Variants in IQGAP2 observed in about 807,000 individuals in gnomAD.
IQGAP2 encodes ras GTPase-activating-like protein IQGAP2.
Under a neutral mutation model 201.3 loss-of-function variants are expected in IQGAP2, and 173 were observed. The observed-to-expected ratio is 0.86, with a 90% CI of 0.76 to 0.98. The LOEUF is 0.98. IQGAP2 is among the 50% of genes least tolerant of loss of function. The pLI is 0.00. For synonymous variants in IQGAP2, 675 were observed against 673.9 expected, an observed-to-expected ratio of 1.00 and a Z score of -0.03; for missense variants, 1,687 against 1,864.8, an observed-to-expected ratio of 0.90 and a Z score of 1.76.
At chr5:76,581,924 A>G (rs1324819596) in intron 5 of IQGAP2, among the ~76,000 whole-genome samples, 1 of 152,274 alleles carries the variant, frequency 6.6e-6, no homozygotes, top group African/African-American at 2.4e-5. Context: ...TAGGTTATCA[A>G]TAAGTGTTTG....
At chr5:76,469,134 A>G (rs1754968926) in intron 2 of IQGAP2, among the ~76,000 whole-genome samples, 1 of 152,190 alleles carries the variant, frequency 6.6e-6, no homozygotes, top group Non-Finnish European at 1.5e-5. Flanking sequence ...GGAAAATTCT[A>G]TATTGCAGTT....
intron 2 of IQGAP2, among the ~76,000 whole-genome samples, chr5:76,493,355 C>T (rs1477365747): frequency 6.6e-6 from 1 of 151,786 alleles, no homozygotes; most frequent in Non-Finnish European, 1.5e-5. Context: ...CTGTTCCTCT[C>T]ACCCCTATAA....
chr5:76,579,440 T>TA (rs56658667), intron 5 of IQGAP2, among the ~76,000 whole-genome samples: 40,892 of 138,810 alleles, frequency 0.29, 5,947 homozygotes, highest in South Asian at 0.5. Context: ...TTTCTTTGTT[T>TA]AAAAAAAAAA....
rs749738498 is a variant in IQGAP2, at chr5:76,588,271, C to T, written c.459-635C>T. On this transcript the variant is annotated intron_variant, in intron 5 of 35. Transcript: ENST00000274364. ...ATATATTTTTTATAGAATTTAGATG[C>T]CAGCTCTCAAGTTCTTTTCTCAGGT... 3.0e-4 allele frequency among the ~76,000 whole-genome samples: 45 copies of T among 152,092 alleles called. 1 individual carries two copies. Among genetic ancestry groups the T allele is most frequent in the Non-Finnish European group, 4.4e-4 (30 of 68,016 alleles).
At position 76,414,636 on chromosome 5, in the gene IQGAP2, G is replaced by A. The variant is rs180804336; in HGVS notation, c.46+11045G>A. 6.2e-4 allele frequency among the ~76,000 whole-genome samples: 94 copies of A among 152,222 alleles called. No homozygotes were observed. The South Asian group carries it at 0.011, about 18-fold the overall frequency. The stretch of plus-strand genomic sequence containing the variant: ...AGGAGTTCAAGACCATCTGGGCAAC[G>A]TAGCAAGACCTTGTTTCTACAAAAA... On this transcript the variant is annotated intron_variant, in intron 1 of 35. Transcript: ENST00000274364.
rs1050133020 is a variant in IQGAP2, at chr5:76,520,461, G to A, written c.147-41935G>A. Among the ~76,000 whole-genome samples the A allele has an allele frequency of 1.1e-4, 16 of 152,026 alleles. 1 individual carries two copies. In the South Asian group the frequency reaches 2.3e-3, roughly 22 times the overall value. ...ACAAGCGTGAGCCACCGCGCCCGGC[G>A]CATTATAGTAAGTCTTAAAACTGGG... On this transcript the variant is annotated intron_variant, in intron 2 of 35. Coordinates refer to ENST00000274364, the MANE Select transcript of IQGAP2 (RefSeq NM_006633.5).
At chr5:76,577,457 G>A (rs1745545695) in intron 5 of IQGAP2, among the ~76,000 whole-genome samples, 1 of 152,182 alleles carries the variant, frequency 6.6e-6, no homozygotes, top group African/African-American at 2.4e-5. Context: ...CATCCTGGAG[G>A]GGATTCCTGT....
chr5:76,687,784 T>C (rs1385764941), intron 30 of IQGAP2, among the ~76,000 whole-genome samples: 1 of 152,232 alleles, frequency 6.6e-6, no homozygotes, highest in African/African-American at 2.4e-5. Context: ...CAGATGGGAC[T>C]GTCTAGTTGT....
At chr5:76,571,423 A>G (rs371317457) in intron 4 of IQGAP2, among the ~76,000 whole-genome samples, 35 of 152,254 alleles carry the variant, frequency 2.3e-4, no homozygotes, top group African/African-American at 8.4e-4. Context: ...AGCCCAAGCA[A>G]TCTGTCCACC....
chr5:76,403,285 A>T lies in IQGAP2; in HGVS notation c.-261A>T, dbSNP rs1188200569. Reference sequence around the variant, plus strand: ...ACGGGGCCTGGCTGGAGGAGAAAGGAAACCTGCTGCGGGAGGCGGCGGCGA... The same window carrying T: ...ACGGGGCCTGGCTGGAGGAGAAAGGTAACCTGCTGCGGGAGGCGGCGGCGA... On this transcript the variant is annotated 5_prime_UTR_variant, in exon 1 of 36. Coordinates refer to ENST00000274364, the MANE Select transcript of IQGAP2 (RefSeq NM_006633.5). The surrounding 1 kb of genome is among the most constrained non-coding windows in gnomAD (Gnocchi z 4.8). 10 of 333,294 alleles carry T rather than the reference A, an allele frequency of 3.0e-5. No homozygotes were observed. The highest frequency in any genetic ancestry group is 4.9e-5 in the Non-Finnish European group (9 of 185,306). 20.6% of individuals were successfully genotyped at this position (333,294 alleles called of 1,614,324 possible).
At chr5:76,501,643 C>CTTTTTT (rs56929376) in intron 2 of IQGAP2, among the ~76,000 whole-genome samples, 2 of 101,134 alleles carry the variant, frequency 2.0e-5, no homozygotes, top group African/African-American at 8.0e-5. Context: ...TTTTCCTTTT[C>CTTTTTT]TTTTTTTTTT....
chr5:76,447,048 A>G (rs1339242490), intron 1 of IQGAP2, among the ~76,000 whole-genome samples: 2 of 152,210 alleles, frequency 1.3e-5, no homozygotes, highest in African/African-American at 2.4e-5. Context: ...GATCACAGAG[A>G]TTGGTAGTAA....
At chr5:76,558,196 A>G (rs1334158544) in intron 2 of IQGAP2, among the ~76,000 whole-genome samples, 1 of 152,146 alleles carries the variant, frequency 6.6e-6, no homozygotes, top group Non-Finnish European at 1.5e-5. Flanking sequence ...ACTCTAAAAT[A>G]TCATACTTCG....
intron 9 of IQGAP2, among the ~76,000 whole-genome samples, chr5:76,593,839 TTC>T (rs1230418608): frequency 6.6e-6 from 1 of 152,230 alleles, no homozygotes; most frequent in Non-Finnish European, 1.5e-5. Flanking sequence ...GTTTTGAATA[TTC>T]TTTTTTGCTT....
chr5:76,628,293 T>C (rs1446315895), intron 14 of IQGAP2, among the ~76,000 whole-genome samples: 1 of 152,180 alleles, frequency 6.6e-6, no homozygotes, highest in Non-Finnish European at 1.5e-5. Context: ...ATAACTGTGG[T>C]CCACCAGTCA....
At chr5:76,545,287 G>C (rs577128441) in intron 2 of IQGAP2, among the ~76,000 whole-genome samples, 1 of 152,184 alleles carries the variant, frequency 6.6e-6, no homozygotes, top group Non-Finnish European at 1.5e-5. Context: ...GGGACATGCC[G>C]TGGAGAGGAA....
intron 2 of IQGAP2, among the ~76,000 whole-genome samples, chr5:76,485,289 T>A (rs1336015951): frequency 6.6e-6 from 1 of 152,188 alleles, no homozygotes; most frequent in Non-Finnish European, 1.5e-5. Context: ...TATTTGGAGC[T>A]CTTTTGACAC....
At chr5:76,551,452 T>C (rs1214766718) in intron 2 of IQGAP2, among the ~76,000 whole-genome samples, 7 of 148,788 alleles carry the variant, frequency 4.7e-5, no homozygotes, top group African/African-American at 1.8e-4. Flanking sequence ...CCAGACAGGG[T>C]GGCGGCCGGG....
chr5:76,442,542 A>G (rs1753106290), intron 1 of IQGAP2, among the ~76,000 whole-genome samples: 1 of 152,236 alleles, frequency 6.6e-6, no homozygotes, highest in African/African-American at 2.4e-5. Flanking sequence ...TTAGAGCCAC[A>G]AGGCAGATAT....
Sources: gnomAD v4.1 joint callset for allele counts (sites outside exome capture counted in the v4.1 genomes callset) on GRCh38, gnomAD v4.1.1 for gene constraint, Gnocchi (gnomAD v3.1) non-coding constraint, MANE v1.5 for transcripts, NCBI Gene and HGNC (gene_info 2026-07-23, HGNC 2026-07-21) for gene names.